The following TUT4 variants were observed in gnomAD, a reference collection of about 807,000 sequenced individuals.
TUT4 encodes the protein terminal uridylyltransferase 4.
In TUT4, 36 loss-of-function variants were observed where a neutral mutation model predicts 192.2. That is an observed-to-expected ratio of 0.19 (90% CI 0.14 to 0.25). The LOEUF (loss-of-function observed/expected upper bound fraction) is 0.25. TUT4 is among the 10% of genes least tolerant of loss of function. The pLI, the probability that TUT4 is intolerant of heterozygous loss-of-function variation, is 1.00. For synonymous variants in TUT4, 618 were observed against 666.0 expected, an observed-to-expected ratio of 0.93 and a Z score of 1.11; for missense variants, 1,493 against 1,957.2, an observed-to-expected ratio of 0.76 and a Z score of 4.47.
At chr1:52,543,482 A>ATT (rs60108324) in intron 1 of TUT4, among the ~76,000 whole-genome samples, 11 of 134,972 alleles carry the variant, frequency 8.1e-5, no homozygotes, top group Admixed American at 1.5e-4. Flanking sequence ...AAAAGACTTA[A>ATT]TTTTTTTTTT....
At chr1:52,551,689 C>CACACACACAT (rs1232061030) in intron 1 of TUT4, among the ~76,000 whole-genome samples, 2 of 152,160 alleles carry the variant, frequency 1.3e-5, no homozygotes, top group Non-Finnish European at 2.9e-5. Context: ...CGCGCGCGCA[C>CACACACACAT]ACACACACAT....
At chr1:52,476,828 T>A (rs995963817) in intron 12 of TUT4, among the ~76,000 whole-genome samples, 2 of 152,218 alleles carry the variant, frequency 1.3e-5, no homozygotes, top group African/African-American at 4.8e-5. Flanking sequence ...TGGAATAATA[T>A]GTAGGCTGAA....
rs575438511 is a variant in TUT4, at chr1:52,510,336, A to G, written c.883-624T>C. Among the ~76,000 whole-genome samples the G allele has an allele frequency of 4.1e-4, 61 of 148,240 alleles. No individual in the cohort carries two copies. In the South Asian group the frequency reaches 0.012, roughly 29 times the overall value. ...TATTAACAAAAAAAAAAAAAAAAAA[A>G]AAAAAGAAAAGTGGTCTTGCTATTT... On this transcript the variant is annotated intron_variant, in intron 3 of 29. Transcript: ENST00000257177.
intron 4 of TUT4, among the ~76,000 whole-genome samples, chr1:52,505,766 G>GC (rs1675365664): frequency 6.6e-6 from 1 of 151,908 alleles, no homozygotes; most frequent in Non-Finnish European, 1.5e-5. Flanking sequence ...CGCTTTTTCA[G>GC]CATCTACTGA....
At chr1:52,549,650 G>A (rs1433674037) in intron 1 of TUT4, among the ~76,000 whole-genome samples, 2 of 152,182 alleles carry the variant, frequency 1.3e-5, no homozygotes, top group Non-Finnish European at 2.9e-5. Flanking sequence ...TAATACACCT[G>A]AAAAGCAACA....
chr1:52,507,771 G>A (rs936360816), intron 4 of TUT4, among the ~76,000 whole-genome samples: 7 of 152,088 alleles, frequency 4.6e-5, no homozygotes, highest in Non-Finnish European at 1.0e-4. Context: ...AAGCATTTAG[G>A]ATAAGGTATA....
chr1:52,434,556 G>A (rs1440989240), intron 27 of TUT4: 4 of 152,140 alleles, frequency 2.6e-5, no homozygotes, highest in Admixed American at 2.6e-4. Flanking sequence ...TATGAGTCTG[G>A]GCTGGGCGCA....
chr1:52,523,112 C>T (rs1009271938), intron 2 of TUT4, among the ~76,000 whole-genome samples: 78 of 149,840 alleles, frequency 5.2e-4, no homozygotes, highest in Non-Finnish European at 1.0e-3. Context: ...CCTGCCTCAG[C>T]CTCCCGAGTA....
intron 25 of TUT4, chr1:52,437,367 G>C (rs920729067): frequency 5.9e-6 from 1 of 168,518 alleles, no homozygotes; most frequent in South Asian, 1.5e-4. Flanking sequence ...TTTTATTTTA[G>C]GCCAGACTTG....
chr1:52,506,925 G>A (rs765157040), intron 4 of TUT4, among the ~76,000 whole-genome samples: 1 of 152,100 alleles, frequency 6.6e-6, no homozygotes, highest in Non-Finnish European at 1.5e-5. Flanking sequence ...GCTTTGTTCT[G>A]TAATGACATT....
At chr1:52,537,866 G>A (rs927945112) in intron 1 of TUT4, among the ~76,000 whole-genome samples, 1 of 151,916 alleles carries the variant, frequency 6.6e-6, no homozygotes, top group Non-Finnish European at 1.5e-5. Context: ...AGCTGAGATC[G>A]GGCCACTGCA....
At chr1:52,425,327 A>C (rs749305342) in intron 29 of TUT4, 22 bp downstream of exon 29, 1 of 1,608,572 alleles carries the variant, frequency 6.2e-7, no homozygotes, top group Non-Finnish European at 8.5e-7. Context: ...AAGCCTGTTA[A>C]CTAATTTGTA....
intron 20 of TUT4, among the ~76,000 whole-genome samples, chr1:52,449,474 T>C (rs971590540): frequency 1.3e-5 from 2 of 152,054 alleles, no homozygotes; most frequent in African/African-American, 4.8e-5. Flanking sequence ...AATTTTTGTA[T>C]TTTTTAGTAG....
At chr1:52,486,851 T>C (rs1040876852) in intron 9 of TUT4, among the ~76,000 whole-genome samples, 3 of 152,232 alleles carry the variant, frequency 2.0e-5, no homozygotes, top group African/African-American at 4.8e-5. Flanking sequence ...TGGGCCATAT[T>C]TTTTTCCAAA....
chr1:52,493,573 T>TAAAAAAAAAAAAGAAAAAAA, intron 7 of TUT4, 38 bp downstream of exon 7: 1 of 1,043,366 alleles, frequency 9.6e-7, no homozygotes, highest in Non-Finnish European at 1.3e-6. Flanking sequence ...AAAGACAAAT[T>TAAAAAAAAAAAAGAAAAAAA]AAAAAAAAAA....
At chr1:52,461,465 A>T (rs543301163) in intron 18 of TUT4, 48 bp downstream of exon 18, 1 of 1,529,992 alleles carries the variant, frequency 6.5e-7, no homozygotes, top group Non-Finnish European at 8.9e-7. Context: ...GTAATCTGTA[A>T]ACTTTTAAAA....
chr1:52,523,837 T>A (rs1436248651), intron 2 of TUT4, among the ~76,000 whole-genome samples: 1 of 152,184 alleles, frequency 6.6e-6, no homozygotes, highest in Non-Finnish European at 1.5e-5. Context: ...TATACCATCA[T>A]CTGTGTACCA....
intron 1 of TUT4, among the ~76,000 whole-genome samples, chr1:52,540,347 T>A (rs1327210662): frequency 6.6e-6 from 1 of 151,400 alleles, no homozygotes; most frequent in Admixed American, 6.6e-5. Context: ...AAACCCCATC[T>A]CTACTAAAAA....
At chr1:52,521,108 T>C (rs1250517188) in intron 2 of TUT4, among the ~76,000 whole-genome samples, 1 of 152,122 alleles carries the variant, frequency 6.6e-6, no homozygotes, top group Non-Finnish European at 1.5e-5. Context: ...TACTACATAT[T>C]TTTCTTATTT....
Sources: allele counts gnomAD v4.1 joint callset (sites outside exome capture counted in the v4.1 genomes callset), GRCh38; gene constraint gnomAD v4.1.1; transcripts MANE v1.5; gene names NCBI Gene and HGNC (gene_info 2026-07-23, HGNC 2026-07-21).